Variants in MTA3 observed in about 807,000 individuals in gnomAD.
MTA3 encodes metastasis associated 1 family member 3.
Under a neutral mutation model 83.5 loss-of-function variants are expected in MTA3, and 34 were observed. The ratio of observed to expected loss-of-function variants is 0.41; its 90% CI spans 0.31 to 0.54. MTA3 has a LOEUF of 0.54. Ranked by LOEUF, MTA3 falls within the 20% of genes least tolerant of loss-of-function variation. The pLI, the probability that MTA3 is intolerant of heterozygous loss-of-function variation, is 0.33. For missense variants in MTA3, 761 were observed against 726.4 expected (o/e 1.05, Z -0.55); for synonymous variants, 303 against 252.7 (o/e 1.20, Z -1.89).
chr2:42,508,496 T>C (rs1674741934), intron 2 of MTA3, among the ~76,000 whole-genome samples: 1 of 151,834 alleles, frequency 6.6e-6, no homozygotes, highest in African/African-American at 2.4e-5. Context: ...TATGCCCTGC[T>C]AATTTTTTTT....
chr2:42,676,113 A>G (rs369031213), intron 8 of MTA3, among the ~76,000 whole-genome samples: 15 of 152,236 alleles, frequency 9.9e-5, no homozygotes, highest in African/African-American at 3.6e-4. Context: ...AGTAATTCCA[A>G]TGTATTCTTT....
At chr2:42,618,406 T>C (rs2104167447) in intron 4 of MTA3, among the ~76,000 whole-genome samples, 1 of 152,368 alleles carries the variant, frequency 6.6e-6, no homozygotes, top group East Asian at 1.9e-4. Context: ...GGTAATGTAT[T>C]ATGAATATGT....
intron 4 of MTA3, among the ~76,000 whole-genome samples, chr2:42,628,686 A>G (rs1686368442): frequency 6.6e-6 from 1 of 152,192 alleles, no homozygotes; most frequent in Non-Finnish European, 1.5e-5. Context: ...AGCTCACTGA[A>G]TAAAAATACC....
At chr2:42,725,978 T>C (rs1476005852) in intron 16 of MTA3, among the ~76,000 whole-genome samples, 3 of 152,200 alleles carry the variant, frequency 2.0e-5, no homozygotes, top group Admixed American at 6.5e-5. Context: ...GCCTGTTTCC[T>C]ATGTCCACAG....
chr2:42,497,922 G>T (rs376344642), intron 2 of MTA3, among the ~76,000 whole-genome samples: 6 of 152,102 alleles, frequency 3.9e-5, no homozygotes, highest in African/African-American at 9.7e-5. Flanking sequence ...CTAAACATGT[G>T]ACCAACAACA....
chr2:42,571,474 T>C (rs1678472644), intron 2 of MTA3, among the ~76,000 whole-genome samples: 1 of 151,998 alleles, frequency 6.6e-6, no homozygotes, highest in African/African-American at 2.4e-5. Context: ...TTTTTGTTAC[T>C]GAATATTTAA....
chr2:42,557,569 A>G (rs1220425507), intron 2 of MTA3, among the ~76,000 whole-genome samples: 2 of 152,182 alleles, frequency 1.3e-5, no homozygotes, highest in Non-Finnish European at 2.9e-5. Flanking sequence ...GCCACTAATA[A>G]TATAGTCCTG....
At chr2:42,609,271 T>TC (rs1683889463) in intron 3 of MTA3, among the ~76,000 whole-genome samples, 187 bp from the exon 4 acceptor site, 1 of 152,136 alleles carries the variant, frequency 6.6e-6, no homozygotes, top group Non-Finnish European at 1.5e-5. Context: ...CCTCAGGTGA[T>TC]CCACCTGCCT....
At chr2:42,553,293 G>A (rs1390914078) in intron 2 of MTA3, among the ~76,000 whole-genome samples, 7 of 150,814 alleles carry the variant, frequency 4.6e-5, no homozygotes, top group Admixed American at 6.6e-5. Context: ...GCATGGTGGC[G>A]GGTGCCTGTA....
At chr2:42,645,554 CAAACA>C (rs1450755409) in intron 6 of MTA3, among the ~76,000 whole-genome samples, 1 of 151,428 alleles carries the variant, frequency 6.6e-6, no homozygotes, top group Non-Finnish European at 1.5e-5. Context: ...AACAAACAAA[CAAACA>C]AAACAGCCTT....
At chr2:42,638,980 T>C (rs771033331) in intron 4 of MTA3, among the ~76,000 whole-genome samples, 8 of 151,860 alleles carry the variant, frequency 5.3e-5, no homozygotes, top group Non-Finnish European at 1.0e-4. Context: ...GTATTTTATT[T>C]TGCTCTTGGT....
intron 2 of MTA3, among the ~76,000 whole-genome samples, chr2:42,518,208 A>G (rs1178263774): frequency 2.6e-5 from 4 of 152,128 alleles, no homozygotes; most frequent in Non-Finnish European, 4.4e-5. Context: ...AAGAAAATAC[A>G]GTTGAGTTGC....
At chr2:42,597,154 C>T (rs978978786) in intron 3 of MTA3, among the ~76,000 whole-genome samples, 7 of 151,892 alleles carry the variant, frequency 4.6e-5, no homozygotes, top group Admixed American at 1.3e-4. Flanking sequence ...TCAGGCAATC[C>T]GCCCACCTCG....
chr2:42,578,698 A>C (rs1486251387), intron 2 of MTA3, among the ~76,000 whole-genome samples: 1 of 152,146 alleles, frequency 6.6e-6, no homozygotes, highest in Non-Finnish European at 1.5e-5. Flanking sequence ...GGTGTGTTTA[A>C]ATGACTGAAA....
chr2:42,507,201 TTGC>T (rs919213455), intron 2 of MTA3, among the ~76,000 whole-genome samples: 49 of 152,150 alleles, frequency 3.2e-4, no homozygotes, highest in African/African-American at 1.1e-3. Context: ...GGTGATGGTC[TTGC>T]TTTGTCTCCC....
chr2:42,644,503 A>AGG (rs1330106857), intron 6 of MTA3, among the ~76,000 whole-genome samples: 2 of 152,220 alleles, frequency 1.3e-5, no homozygotes, highest in African/African-American at 4.8e-5. Context: ...ATGCTATTAT[A>AGG]GGTGTGGCCT....
At position 42,568,645 on chromosome 2, in the gene MTA3, A is replaced by G. The variant is rs1431014544; in HGVS notation, c.-101A>G. ...CCCTTCCCCCCCGTGGCGAGGCAGCAGCGACGGCGGCGGCGGCAGCGGCGG... is the reference window on the plus strand; with the variant it reads ...CCCTTCCCCCCCGTGGCGAGGCAGCGGCGACGGCGGCGGCGGCAGCGGCGG... On this transcript the variant is annotated 5_prime_UTR_variant, in exon 1 of 17. Coordinates refer to ENST00000405094, the MANE Select transcript of MTA3 (RefSeq NM_001330442.2). The G allele has an allele frequency of 1.1e-5, 6 of 548,054 alleles. No homozygotes were observed. Among genetic ancestry groups the G allele is most frequent in the Non-Finnish European group, 1.4e-5 (6 of 430,676 alleles). The allele number at this position is 548,054 out of a possible 1,614,324, so 33.9% of individuals were successfully genotyped here. A position where few individuals can be genotyped will look rare whatever the true frequency, so the allele number is the denominator to read the frequency against.
chr2:42,578,529 C>A (rs1679288207), intron 2 of MTA3, among the ~76,000 whole-genome samples: 1 of 152,118 alleles, frequency 6.6e-6, no homozygotes, highest in African/African-American at 2.4e-5. Context: ...TCATAGACTT[C>A]CTTGGTGTAG....
At chr2:42,704,115 C>A in intron 11 of MTA3, 79 bp from the exon 12 acceptor site, 1 of 1,425,420 alleles carries the variant, frequency 7.0e-7, no homozygotes, top group Non-Finnish European at 9.5e-7. Flanking sequence ...TAAATAGTGA[C>A]GGTAAATCAG....
Sources: allele counts gnomAD v4.1 joint callset (sites outside exome capture counted in the v4.1 genomes callset), GRCh38; gene constraint gnomAD v4.1.1; transcripts MANE v1.5; gene names NCBI Gene and HGNC (gene_info 2026-07-23, HGNC 2026-07-21).